Variants in KIZ observed in about 807,000 individuals in gnomAD.
KIZ encodes kizuna centrosomal protein.
Under a neutral mutation model 79.6 loss-of-function variants are expected in KIZ, and 68 were observed. That is an observed-to-expected ratio of 0.85 (90% CI 0.70 to 1.05). The LOEUF is 1.05. Among genes scored for constraint, KIZ ranks in the 50% least tolerant of loss-of-function variants. The pLI is 0.00. For synonymous variants in KIZ, 280 were observed against 281.8 expected, an observed-to-expected ratio of 0.99 and a Z score of 0.06; for missense variants, 797 against 800.4, an observed-to-expected ratio of 1.00 and a Z score of 0.05.
At chr20:21,230,563 A>G (rs1254942590) in intron 10 of KIZ, among the ~76,000 whole-genome samples, 1 of 152,244 alleles carries the variant, frequency 6.6e-6, no homozygotes, top group Non-Finnish European at 1.5e-5. Flanking sequence ...GCTGATTCCT[A>G]GATAATATTA....
intron 6 of KIZ, chr20:21,196,304 A>G (rs2035340692): frequency 6.6e-6 from 1 of 152,428 alleles, no homozygotes; most frequent in Non-Finnish European, 1.5e-5. Flanking sequence ...TTAGTTTCAA[A>G]TGTCATCTCC....
intron 9 of KIZ, among the ~76,000 whole-genome samples, chr20:21,216,176 G>A (rs1178089119): frequency 6.6e-6 from 1 of 152,170 alleles, no homozygotes; most frequent in Non-Finnish European, 1.5e-5. Flanking sequence ...GCTTGTTTAG[G>A]TGGAATCTGA....
chr20:21,135,802 G>C (rs1259933392), intron 2 of KIZ, among the ~76,000 whole-genome samples: 1 of 152,130 alleles, frequency 6.6e-6, no homozygotes, highest in Admixed American at 6.5e-5. Flanking sequence ...CTTTGGATAA[G>C]AGTCTGAAAG....
At chr20:21,157,700 T>C (rs1388887126) in intron 4 of KIZ, among the ~76,000 whole-genome samples, 1 of 152,310 alleles carries the variant, frequency 6.6e-6, no homozygotes, top group African/African-American at 2.4e-5. Flanking sequence ...AATTACTAGT[T>C]GAGAGCAGTA....
intron 6 of KIZ, among the ~76,000 whole-genome samples, chr20:21,191,893 A>G (rs1361789034): frequency 1.3e-5 from 2 of 151,988 alleles, no homozygotes; most frequent in Non-Finnish European, 2.9e-5. Context: ...TAACAGTAAA[A>G]GGAGTTTAGT....
chr20:21,182,426 CA>C (rs1253173748), intron 6 of KIZ, among the ~76,000 whole-genome samples: 5 of 152,190 alleles, frequency 3.3e-5, no homozygotes, highest in African/African-American at 1.2e-4. Flanking sequence ...AATTTGTTCA[CA>C]GACCCATTCC....
chr20:21,162,017 GA>G lies in KIZ; in HGVS notation c.554del (p.Asn185ThrfsTer19). On this transcript the variant is annotated frameshift_variant, in exon 5 of 13. Coordinates refer to ENST00000619189, the MANE Select transcript of KIZ (RefSeq NM_018474.6). LOFTEE classifies it high-confidence loss of function. ...AGCACAAATCTCCCCAGCCCACAAA[GA>G]ACTTTTCAATTCCTGACCCACATTC... is the stretch of plus-strand genomic sequence containing the variant. Reference protein sequence around the residue: ...TEHKSPQPTKNFSIPDPHSHR... With the variant: ...TEHKSPQPTKXFSIPDPHSHR... The G allele has an allele frequency of 6.2e-7, 1 of 1,613,908 alleles. No individual in the cohort carries two copies. The highest frequency in any genetic ancestry group is 8.5e-7 in the Non-Finnish European group (1 of 1,179,854).
At chr20:21,204,108 T>TC (rs1568973323) in intron 6 of KIZ, among the ~76,000 whole-genome samples, 2 of 70,340 alleles carry the variant, frequency 2.8e-5, no homozygotes, top group African/African-American at 1.5e-4. Flanking sequence ...CATCTATGTT[T>TC]TTTTTTTTTT....
chr20:21,221,784 A>G (rs1409338239), intron 9 of KIZ, among the ~76,000 whole-genome samples: 1 of 152,208 alleles, frequency 6.6e-6, no homozygotes, highest in Non-Finnish European at 1.5e-5. Context: ...CTGGAAAGAT[A>G]TAGTGGCTAG....
chr20:21,214,681 T>G lies in KIZ; in HGVS notation c.1593T>G (p.Ser531Arg), dbSNP rs1460209792. Residue 531 changes from serine to arginine, a missense_variant, in exon 8 of 13, where the codon AGT becomes AGG. Ser to Arg is a moderately radical substitution (Grantham distance 110). Transcript: ENST00000619189. ...KEAKPAVWLN[S>R]VPTREQEVSS... is the part of the protein sequence containing the mutation. ...CCAAACCTGCTGTATGGCTCAACAGTGTTCCTACAAGGGAACAAGGTAACT... is the reference window on the plus strand; with the variant it reads ...CCAAACCTGCTGTATGGCTCAACAGGGTTCCTACAAGGGAACAAGGTAACT... 2 of 1,612,246 alleles carry G rather than the reference T, an allele frequency of 1.2e-6. No homozygotes were observed. The highest frequency in any genetic ancestry group is 4.5e-5 in the East Asian group (2 of 44,862).
upstream of KIZ, chr20:21,126,005 A>C: frequency 7.6e-7 from 1 of 1,322,162 alleles, no homozygotes. Flanking sequence ...CGCCTCCTGC[A>C]GGCGGCCCGG....
At chr20:21,232,886 G>T (rs750980859) in intron 11 of KIZ, 56 bp downstream of exon 11, 2 of 779,380 alleles carry the variant, frequency 2.6e-6, no homozygotes, top group Non-Finnish European at 4.5e-6. Context: ...ATGTCACAGC[G>T]CAATGAATTA....
At chr20:21,200,906 C>A (rs779062469) in intron 6 of KIZ, among the ~76,000 whole-genome samples, 26 of 152,062 alleles carry the variant, frequency 1.7e-4, no homozygotes, top group Admixed American at 7.9e-4. Context: ...TCATATGGGC[C>A]AGGTGGCTAA....
intron 6 of KIZ, among the ~76,000 whole-genome samples, chr20:21,179,373 T>C (rs1024110237): frequency 2.6e-5 from 4 of 151,802 alleles, no homozygotes; most frequent in Non-Finnish European, 4.4e-5. Flanking sequence ...TTTGTAATAG[T>C]TTATATAGTT....
intron 6 of KIZ, chr20:21,166,196 T>C: frequency 7.5e-7 from 1 of 1,327,510 alleles, no homozygotes; most frequent in South Asian, 1.2e-5. Flanking sequence ...TAAATATATG[T>C]ATTACATCCC....
intron 9 of KIZ, among the ~76,000 whole-genome samples, chr20:21,223,754 C>G (rs1328607679): frequency 6.6e-6 from 1 of 150,528 alleles, no homozygotes; most frequent in African/African-American, 2.5e-5. Context: ...ACTGCAGTCT[C>G]CACTTCCCAG....
At chr20:21,199,821 A>G (rs531193075) in intron 6 of KIZ, among the ~76,000 whole-genome samples, 15 of 151,984 alleles carry the variant, frequency 9.9e-5, no homozygotes, top group African/African-American at 3.1e-4. Flanking sequence ...TCATAGAATT[A>G]TTTTTTTCTT....
At chr20:21,126,247 G>A in intron 1 of KIZ, 43 bp downstream of exon 1, 1 of 1,281,664 alleles carries the variant, frequency 7.8e-7, no homozygotes, top group Non-Finnish European at 1.0e-6. Context: ...CCCGCGCCGG[G>A]GGTCTTCCGC....
chr20:21,134,870 C>T lies in KIZ; in HGVS notation c.153-1520C>T, dbSNP rs1032427437. On this transcript the variant is annotated intron_variant, in intron 2 of 12. Transcript: ENST00000619189. ...TTAGTAGAGGCGGTGTTTCACCATT[C>T]TGGCCAGGCTGGTCTGGAACTCCGG... Among the ~76,000 whole-genome samples the T allele has an allele frequency of 2.0e-5, 3 of 151,850 alleles. 1 individual carries two copies. The highest frequency in any genetic ancestry group is 4.4e-5 in the Non-Finnish European group (3 of 67,958).
Sources: gnomAD v4.1 joint callset for allele counts (sites outside exome capture counted in the v4.1 genomes callset) on GRCh38, gnomAD v4.1.1 for gene constraint, MANE v1.5 for transcripts, NCBI Gene and HGNC (gene_info 2026-07-23, HGNC 2026-07-21) for gene names.